PROM1: variants seen among roughly 807,000 people sequenced by gnomAD.
PROM1 encodes prominin 1, also known as prominin-1.
In PROM1, 105 loss-of-function variants were observed where a neutral mutation model predicts 116.9. The ratio of observed to expected loss-of-function variants is 0.90; its 90% CI spans 0.77 to 1.06. PROM1 has a LOEUF of 1.06. Ranked by LOEUF, PROM1 falls within the 50% of genes least tolerant of loss-of-function variation. The probability of loss-of-function intolerance (pLI) is 0.00; values close to 1 mark genes in which losing one functional copy is unlikely to be tolerated. For missense variants in PROM1, 1,122 were observed against 1,045.2 expected (o/e 1.07, Z -1.01); for synonymous variants, 393 against 387.0 (o/e 1.02, Z -0.18).
intron 1 of PROM1, among the ~76,000 whole-genome samples, chr4:16,080,938 G>A (rs1242778183): frequency 6.6e-6 from 1 of 152,158 alleles, no homozygotes; most frequent in Non-Finnish European, 1.5e-5. Context: ...CAGGGGTCCT[G>A]TGGCATGTCC....
chr4:15,975,806 T>G (rs1369262580), intron 26 of PROM1, among the ~76,000 whole-genome samples: 1 of 152,204 alleles, frequency 6.6e-6, no homozygotes, highest in Non-Finnish European at 1.5e-5. Context: ...GGGTTCCCAC[T>G]GGAGGTGGGT....
At chr4:15,982,994 C>G (rs1237227996) in intron 23 of PROM1, among the ~76,000 whole-genome samples, 2 of 152,192 alleles carry the variant, frequency 1.3e-5, no homozygotes, top group African/African-American at 4.8e-5. Flanking sequence ...ATCAGTGATA[C>G]TCTGTGCCAG....
intron 19 of PROM1, 53 bp downstream of exon 19, chr4:15,989,679 G>A (rs867949539): frequency 7.2e-7 from 1 of 1,396,972 alleles, no homozygotes; most frequent in Non-Finnish European, 1.0e-6. Flanking sequence ...CCAACTAGCT[G>A]CAGTAGATTT....
chr4:16,042,837 T>C (rs1033773414), intron 2 of PROM1, among the ~76,000 whole-genome samples: 4 of 152,132 alleles, frequency 2.6e-5, no homozygotes, highest in African/African-American at 7.2e-5. Flanking sequence ...ACCCTATACA[T>C]CAACGGAGCT....
rs796051882 is a variant in PROM1 at position 15,988,237 on chromosome 4, T to C, written c.2077-521A>G. On this transcript the variant is annotated intron_variant, in intron 19 of 27. Transcript: ENST00000447510. ...ACCTGAAGAAAACATTGGATACATATCCTAAAGCTGTGAAGAACAGCAAAT... is the reference window on the plus strand; with the variant it reads ...ACCTGAAGAAAACATTGGATACATACCCTAAAGCTGTGAAGAACAGCAAAT... 6.6e-6 allele frequency among the ~76,000 whole-genome samples: 1 copy of C among 152,098 alleles called. No individual in the cohort carries two copies. The highest frequency in any genetic ancestry group is 1.5e-5 in the Non-Finnish European group (1 of 68,018).
At chr4:16,035,160 GACTTAACCCT>G (rs912863639) in intron 4 of PROM1, among the ~76,000 whole-genome samples, 1 of 152,146 alleles carries the variant, frequency 6.6e-6, no homozygotes, top group African/African-American at 2.4e-5. Context: ...ATTATTAGGG[GACTTAACCCT>G]TCCTCGAGGA....
chr4:15,998,828 G>A (rs67169620), intron 14 of PROM1, among the ~76,000 whole-genome samples: 45,711 of 151,972 alleles, frequency 0.3, 7,670 homozygotes, highest in Non-Finnish European at 0.38. Flanking sequence ...TGATTCTCCA[G>A]TCTCAGCCTC....
At position 16,064,526 on chromosome 4, in the gene PROM1, G is replaced by A. The variant is rs577719169; in HGVS notation, c.220+11161C>T. On this transcript the variant is annotated intron_variant, in intron 2 of 27. Coordinates refer to ENST00000447510, the MANE Select transcript of PROM1 (RefSeq NM_006017.3). Reference sequence around the variant, plus strand: ...TTCACGATCTGAGTACTAGTTACACGGATGCGATTTGTGAAAAGTCATCAA... The same window carrying A: ...TTCACGATCTGAGTACTAGTTACACAGATGCGATTTGTGAAAAGTCATCAA... Among the ~76,000 whole-genome samples, 167 of 152,256 alleles carry A rather than the reference G, an allele frequency of 1.1e-3. 2 individuals are homozygous for A. Among genetic ancestry groups the A allele is most frequent in the Non-Finnish European group, 1.3e-3 (91 of 68,026 alleles).
At chr4:16,003,741 A>G (rs1724481581) in intron 13 of PROM1, among the ~76,000 whole-genome samples, 1 of 152,226 alleles carries the variant, frequency 6.6e-6, no homozygotes, top group Non-Finnish European at 1.5e-5. Flanking sequence ...TCTTGAGACC[A>G]GGAATTCAAG....
intron 5 of PROM1, among the ~76,000 whole-genome samples, chr4:16,031,063 C>G (rs1257529095): frequency 6.6e-6 from 1 of 152,030 alleles, no homozygotes; most frequent in Admixed American, 6.6e-5. Context: ...CAAAGAAACC[C>G]AATATATTGG....
intron 24 of PROM1, chr4:15,980,170 A>C: frequency 1.6e-6 from 1 of 610,004 alleles, no homozygotes; most frequent in Non-Finnish European, 2.9e-6. Context: ...GAGGAACTGC[A>C]AACAAGAAAT....
chr4:16,013,477 T>A (rs1163830821), intron 10 of PROM1, 139 bp from the exon 11 acceptor site: 15 of 631,730 alleles, frequency 2.4e-5, no homozygotes, highest in Non-Finnish European at 4.0e-5. Context: ...ATGATCATTA[T>A]ATGGTCATCA....
At chr4:16,029,289 A>G (rs1732102387) in intron 5 of PROM1, among the ~76,000 whole-genome samples, 1 of 152,182 alleles carries the variant, frequency 6.6e-6, no homozygotes, top group South Asian at 2.1e-4. Flanking sequence ...TCAATTCACC[A>G]TGGGAATTAT....
chr4:16,071,876 C>G (rs184880232), intron 2 of PROM1, among the ~76,000 whole-genome samples: 9 of 152,290 alleles, frequency 5.9e-5, no homozygotes. Flanking sequence ...TACTCTCTAC[C>G]TGGAACACCC....
intron 14 of PROM1, among the ~76,000 whole-genome samples, chr4:15,999,862 G>A (rs1723312679): frequency 6.6e-6 from 1 of 151,522 alleles, no homozygotes; most frequent in African/African-American, 2.4e-5. Context: ...AAAAAACACA[G>A]AAAAGCCACA....
At chr4:16,011,980 T>A (rs1306454459) in intron 11 of PROM1, among the ~76,000 whole-genome samples, 1 of 152,160 alleles carries the variant, frequency 6.6e-6, no homozygotes, top group Non-Finnish European at 1.5e-5. Flanking sequence ...CAGAGATTTC[T>A]TTTCTTTTCT....
At chr4:15,974,510 C>T (rs893454669) in intron 26 of PROM1, among the ~76,000 whole-genome samples, 3 of 152,186 alleles carry the variant, frequency 2.0e-5, no homozygotes, top group Admixed American at 2.0e-4. Context: ...CTTCATGGTT[C>T]TTATTTAAGA....
Position 16,016,165 on chromosome 4 carries a change from C to A in PROM1, c.1077+1G>T, listed in dbSNP as rs745495162. ...TGATTGTATTTTTTCCAAAAGCATA[C>A]CTGTTGGACCAGGCCATCCAAATCT... On this transcript the variant is annotated splice_donor_variant, in intron 10 of 27. Transcript: ENST00000447510. LOFTEE classifies it high-confidence loss of function. 6.4e-7 allele frequency: 1 copy of A among 1,552,450 alleles called. No individual in the cohort carries two copies. Among genetic ancestry groups the A allele is most frequent in the South Asian group, 1.2e-5 (1 of 83,916 alleles).
rs747559572 is a variant in PROM1, at chr4:16,013,281, CG to C, written c.1134del (p.Val379Ter). 1 of 1,605,668 alleles carries C rather than the reference CG, an allele frequency of 6.2e-7. No homozygotes were observed. The highest frequency in any genetic ancestry group is 1.1e-5 in the South Asian group (1 of 90,876). On this transcript the variant is annotated frameshift_variant, in exon 11 of 28. Transcript: ENST00000447510. LOFTEE classifies it high-confidence loss of function. Reference sequence around the variant, plus strand: ...CTCAAACTGTGAATCTCACCTGCTACGACAGTCGTGGTTTGGCGTTGTACTC... The same window carrying C: ...CTCAAACTGTGAATCTCACCTGCTACACAGTCGTGGTTTGGCGTTGTACTC... ...PDRVQRQTTT[V>X]VAGIKRVLNS...
Sources: gnomAD v4.1 joint callset for allele counts (sites outside exome capture counted in the v4.1 genomes callset) on GRCh38, gnomAD v4.1.1 for gene constraint, MANE v1.5 for transcripts, NCBI Gene and HGNC (gene_info 2026-07-23, HGNC 2026-07-21) for gene names.